Variants in HTR2C observed in about 807,000 individuals in gnomAD.
HTR2C encodes 5-hydroxytryptamine receptor 2C.
In HTR2C, 5 loss-of-function variants were observed where a neutral mutation model predicts 21.0. That is an observed-to-expected ratio of 0.24 (90% confidence interval 0.12 to 0.50). HTR2C has a LOEUF of 0.50. Ranked by LOEUF, HTR2C falls within the 20% of genes least tolerant of loss-of-function variation. HTR2C has a pLI of 0.98. For synonymous variants in HTR2C, 150 were observed against 145.3 expected (o/e 1.03, Z -0.23); for missense variants, 271 against 371.2 (o/e 0.73, Z 2.22).
At chrX:114,700,983 G>A (rs1372832769) in intron 2 of HTR2C, among the ~76,000 whole-genome samples, 4 of 112,272 alleles carry the variant, frequency 3.6e-5, no homozygotes, top group Non-Finnish European at 5.6e-5. Flanking sequence ...AGATAAAACT[G>A]CAAGGTGGCA....
chrX:114,672,074 C>A (rs782300320), intron 2 of HTR2C, among the ~76,000 whole-genome samples: 140 of 111,451 alleles, frequency 1.3e-3, no homozygotes, highest in African/African-American at 4.4e-3. Flanking sequence ...TAGATACAAG[C>A]AAATAAATAT....
intron 4 of HTR2C, among the ~76,000 whole-genome samples, chrX:114,765,140 A>C (rs2497517): frequency 1.9e-5 from 2 of 106,252 alleles, no homozygotes; most frequent in Non-Finnish European, 3.9e-5. Context: ...GGTTAACAAA[A>C]TGCTGAGAAT....
chrX:114,804,819 A>G (rs1294538694), intron 4 of HTR2C, among the ~76,000 whole-genome samples: 1 of 111,654 alleles, frequency 9.0e-6, no homozygotes, highest in African/African-American at 3.3e-5. Flanking sequence ...TGCTTCCTCT[A>G]CATTCTTTCC....
intron 2 of HTR2C, among the ~76,000 whole-genome samples, chrX:114,718,620 T>C (rs782181620): frequency 9.0e-6 from 1 of 111,487 alleles, no homozygotes; most frequent in South Asian, 3.7e-4. Flanking sequence ...CTGTAGTTAC[T>C]GTTATTGATG....
chrX:114,758,444 C>T (rs936810233), intron 4 of HTR2C, among the ~76,000 whole-genome samples: 7 of 109,975 alleles, frequency 6.4e-5, no homozygotes, highest in African/African-American at 2.3e-4. Context: ...TGCCAGTAGT[C>T]CCAGCTACTT....
chrX:114,608,598 A>G (rs1928578808), intron 1 of HTR2C, among the ~76,000 whole-genome samples: 3 of 111,790 alleles, frequency 2.7e-5, no homozygotes, highest in African/African-American at 9.7e-5. Context: ...TAGGGTCTTG[A>G]TTTATTTGGC....
At chrX:114,895,141 T>C (rs939668465) in intron 5 of HTR2C, among the ~76,000 whole-genome samples, 1 of 112,068 alleles carries the variant, frequency 8.9e-6, no homozygotes, top group Non-Finnish European at 1.9e-5. Context: ...TTGAAGCATA[T>C]AGAAAGTGTA....
chrX:114,840,911 C>A (rs969890784), intron 4 of HTR2C, among the ~76,000 whole-genome samples: 1 of 111,378 alleles, frequency 9.0e-6, no homozygotes, highest in African/African-American at 3.3e-5. Context: ...ATGAGTTATA[C>A]AAGATCTCTT....
intron 4 of HTR2C, among the ~76,000 whole-genome samples, chrX:114,817,493 A>G (rs782195465): frequency 8.9e-5 from 10 of 112,198 alleles, no homozygotes; most frequent in Non-Finnish European, 1.7e-4. Flanking sequence ...CGGGACTTTG[A>G]AAATTAACTA....
At chrX:114,775,091 C>T (rs1556438320) in intron 4 of HTR2C, 2 of 503,503 alleles carry the variant, frequency 4.0e-6, no homozygotes. Context: ...TTAATCTTAC[C>T]TTGAAGCTTC....
At chrX:114,694,957 A>C (rs970469093) in intron 2 of HTR2C, among the ~76,000 whole-genome samples, 1 of 112,156 alleles carries the variant, frequency 8.9e-6, no homozygotes, top group Admixed American at 9.5e-5. Context: ...TTTACCATTG[A>C]AACTTTAAAA....
chrX:114,777,542 G>T (rs1203225297), intron 4 of HTR2C, among the ~76,000 whole-genome samples: 2 of 111,801 alleles, frequency 1.8e-5, no homozygotes, highest in Non-Finnish European at 3.8e-5. Context: ...AACTTGTGGA[G>T]AATTTTCTAT....
chrX:114,608,451 T>TC (rs1289280250), intron 1 of HTR2C, among the ~76,000 whole-genome samples: 1 of 107,472 alleles, frequency 9.3e-6, no homozygotes, highest in Admixed American at 1.0e-4. Context: ...CCAGTAATCC[T>TC]TTTTATCTCT....
At chrX:114,800,324 T>C (rs1375795421) in intron 4 of HTR2C, among the ~76,000 whole-genome samples, 1 of 111,736 alleles carries the variant, frequency 8.9e-6, no homozygotes, top group Non-Finnish European at 1.9e-5. Flanking sequence ...ATAACAGAAA[T>C]AATATGATTT....
At chrX:114,775,786 A>G (rs782608098) in intron 4 of HTR2C, 12 of 434,393 alleles carry the variant, frequency 2.8e-5, no homozygotes, top group East Asian at 7.9e-5. Flanking sequence ...AGACAATATC[A>G]TGAATCTGTG....
intron 2 of HTR2C, among the ~76,000 whole-genome samples, chrX:114,616,187 T>A (rs1470566135): frequency 9.0e-6 from 1 of 111,659 alleles, no homozygotes; most frequent in Non-Finnish European, 1.9e-5. Flanking sequence ...AAGAGTTTTA[T>A]TGTAATGTGT....
chrX:114,625,058 A>C (rs1929323884), intron 2 of HTR2C, among the ~76,000 whole-genome samples: 1 of 111,699 alleles, frequency 9.0e-6, no homozygotes, highest in South Asian at 3.7e-4. Flanking sequence ...TGCCACCTTC[A>C]CCATAATAAA....
At chrX:114,724,082 T>C (rs1933340899) in intron 2 of HTR2C, among the ~76,000 whole-genome samples, 1 of 106,032 alleles carries the variant, frequency 9.4e-6, no homozygotes, top group Non-Finnish European at 1.9e-5. Context: ...GTTGACTTTC[T>C]GTCTCGTTGA....
intron 4 of HTR2C, among the ~76,000 whole-genome samples, chrX:114,778,437 C>T (rs1556439405): frequency 9.1e-6 from 1 of 110,313 alleles, no homozygotes; most frequent in African/African-American, 3.3e-5. Context: ...AGTGATCAGG[C>T]AAATTATATT....
Sources: gnomAD v4.1 joint callset for allele counts (sites outside exome capture counted in the v4.1 genomes callset) on GRCh38, gnomAD v4.1.1 for gene constraint, MANE v1.5 for transcripts, NCBI Gene and HGNC (gene_info 2026-07-23, HGNC 2026-07-21) for gene names.